Variants in GRM1 observed in about 807,000 individuals in gnomAD.
GRM1 encodes the protein glutamate metabotropic receptor 1.
In GRM1, 33 loss-of-function variants were observed where a neutral mutation model predicts 90.9. The observed-to-expected ratio is 0.36, with a 90% confidence interval of 0.28 to 0.49. The LOEUF is 0.49. Ranked by LOEUF, GRM1 falls within the 20% of genes least tolerant of loss-of-function variation. The probability of loss-of-function intolerance (pLI) is 0.99; values close to 1 mark genes in which losing one functional copy is unlikely to be tolerated. For synonymous variants in GRM1, 700 were observed against 613.2 expected (o/e 1.14, Z -2.09); for missense variants, 1,190 against 1,534.3 (o/e 0.78, Z 3.75).
At chr6:146,252,453 C>T (rs989398554) in intron 2 of GRM1, among the ~76,000 whole-genome samples, 6 of 151,974 alleles carry the variant, frequency 3.9e-5, no homozygotes, top group African/African-American at 1.4e-4. Flanking sequence ...GCCTGGCCAA[C>T]ATGGTGAAAC....
rs1790611629 is a variant in GRM1 at position 146,029,134 on chromosome 6, C to T, written c.-384C>T. ...AAGGCAACTGTTAACATTATAGACC[C>T]CAGAGTTTTAACACAGGTCCTCTGA... On this transcript the variant is annotated 5_prime_UTR_variant, in exon 1 of 8. Transcript: ENST00000282753. 6.0e-6 allele frequency: 2 copies of T among 335,192 alleles called. No homozygotes were observed. Among genetic ancestry groups the T allele is most frequent in the South Asian group, 5.2e-5 (2 of 38,152 alleles). 20.8% of individuals were successfully genotyped at this position (335,192 alleles called of 1,614,324 possible).
intron 3 of GRM1, among the ~76,000 whole-genome samples, chr6:146,320,296 G>A (rs1282829221): frequency 1.3e-5 from 2 of 152,164 alleles, no homozygotes; most frequent in Admixed American, 6.5e-5. Flanking sequence ...AACCAGCCTT[G>A]CATACCAGGG....
intron 1 of GRM1, among the ~76,000 whole-genome samples, chr6:146,142,578 C>A (rs1776921431): frequency 6.6e-6 from 1 of 152,030 alleles, no homozygotes; most frequent in Non-Finnish European, 1.5e-5. Flanking sequence ...GTTCTGTAGT[C>A]TACACCAGCT....
In GRM1 at chr6:146,304,609, A is replaced by C; in HGVS notation, c.951-2A>C. On this transcript the variant is annotated splice_acceptor_variant, in intron 2 of 7. Transcript: ENST00000282753. LOFTEE classifies it high-confidence loss of function. ...CCCTACCCCAATCCCTGCATTTTTT[A>C]GTGATGGATGGGCAGACAGAGATGA... 6.3e-7 allele frequency: 1 copy of C among 1,599,162 alleles called. No homozygotes were observed.
At chr6:146,219,679 ATG>A (rs1007155818) in intron 2 of GRM1, among the ~76,000 whole-genome samples, 1 of 150,928 alleles carries the variant, frequency 6.6e-6, no homozygotes, top group African/African-American at 2.5e-5. Context: ...TTTCAATTTT[ATG>A]TGTGTGCATA....
chr6:146,330,023 T>TA, intron 3 of GRM1, among the ~76,000 whole-genome samples: 1 of 152,264 alleles, frequency 6.6e-6, no homozygotes, highest in South Asian at 2.1e-4. Context: ...CCAGTGTTGA[T>TA]TAAGTAGGCT....
intron 7 of GRM1, among the ~76,000 whole-genome samples, chr6:146,406,435 A>G (rs914078140): frequency 5.3e-5 from 8 of 152,218 alleles, no homozygotes; most frequent in Admixed American, 4.6e-4. Context: ...AGATTTGAGA[A>G]GGGACAAATG....
chr6:146,118,140 C>CTTTTTT (rs67033918), intron 1 of GRM1, among the ~76,000 whole-genome samples: 362 of 115,402 alleles, frequency 3.1e-3, no homozygotes, highest in Middle Eastern at 5.4e-3. Context: ...TTCTTCTTTT[C>CTTTTTT]TTTTTTTTTT....
At chr6:146,034,925 A>C (rs952495538) in intron 1 of GRM1, among the ~76,000 whole-genome samples, 1 of 152,046 alleles carries the variant, frequency 6.6e-6, no homozygotes, top group African/African-American at 2.4e-5. Flanking sequence ...AGTAGTTTTT[A>C]CTTTAAGGGG....
At chr6:146,342,722 C>T (rs370848016) in intron 3 of GRM1, among the ~76,000 whole-genome samples, 1 of 152,202 alleles carries the variant, frequency 6.6e-6, no homozygotes, top group South Asian at 2.1e-4. Context: ...CCTTTAATCA[C>T]ATTATCATTT....
At chr6:146,168,505 A>C (rs1777989953) in intron 2 of GRM1, among the ~76,000 whole-genome samples, 1 of 152,012 alleles carries the variant, frequency 6.6e-6, no homozygotes, top group South Asian at 2.1e-4. Flanking sequence ...AAATGAGAAA[A>C]ATTAGCTTCT....
chr6:146,405,226 G>A (rs1234905048), intron 7 of GRM1, among the ~76,000 whole-genome samples: 1 of 152,248 alleles, frequency 6.6e-6, no homozygotes, highest in African/African-American at 2.4e-5. Flanking sequence ...GAAAGGTCTA[G>A]GCCAGACCTC....
At chr6:146,064,316 G>C (rs1775772798) in intron 1 of GRM1, among the ~76,000 whole-genome samples, 1 of 152,108 alleles carries the variant, frequency 6.6e-6, no homozygotes, top group Non-Finnish European at 1.5e-5. Flanking sequence ...TTGAACAATA[G>C]AACTATTACC....
chr6:146,242,581 C>T (rs1780904197), intron 2 of GRM1, among the ~76,000 whole-genome samples: 1 of 152,112 alleles, frequency 6.6e-6, no homozygotes, highest in Non-Finnish European at 1.5e-5. Flanking sequence ...TTTCAATCAG[C>T]TTCTATAAAG....
chr6:146,029,391 C>T lies in GRM1; in HGVS notation c.-127C>T. 2 of 800,170 alleles carry T rather than the reference C, an allele frequency of 2.5e-6. No homozygotes were observed. The highest frequency in any genetic ancestry group is 2.7e-5 in the South Asian group (2 of 73,132). 49.6% of individuals were successfully genotyped at this position (800,170 alleles called of 1,614,324 possible). A position where few individuals can be genotyped will look rare whatever the true frequency, so the allele number is the denominator to read the frequency against. ...GGAGGAGGCAAAGGCCTTGGACGAC[C>T]ATTGTTGGCGAGGGGCACCACTCCG... On this transcript the variant is annotated 5_prime_UTR_variant, in exon 1 of 8. Coordinates refer to ENST00000282753, the MANE Select transcript of GRM1 (RefSeq NM_001278064.2).
At chr6:146,249,696 C>T (rs1781204074) in intron 2 of GRM1, among the ~76,000 whole-genome samples, 1 of 152,130 alleles carries the variant, frequency 6.6e-6, no homozygotes. Flanking sequence ...ATACAGAGTT[C>T]CCACTGGGGT....
chr6:146,382,251 T>C (rs563598425), intron 5 of GRM1, among the ~76,000 whole-genome samples: 230 of 140,378 alleles, frequency 1.6e-3, no homozygotes, highest in African/African-American at 5.9e-3. Context: ...ATGACAAATA[T>C]AAAAATAATT....
intron 1 of GRM1, among the ~76,000 whole-genome samples, chr6:146,140,625 C>A (rs1486369738): frequency 6.6e-6 from 1 of 152,082 alleles, no homozygotes. Flanking sequence ...TATCTTATAA[C>A]CCATTATTTT....
intron 5 of GRM1, among the ~76,000 whole-genome samples, chr6:146,378,736 T>C (rs2115116088): frequency 6.6e-6 from 1 of 152,286 alleles, no homozygotes; most frequent in Non-Finnish European, 1.5e-5. Flanking sequence ...AATTCTGAAA[T>C]GAGTTAAGAC....
Sources: gnomAD v4.1 joint callset for allele counts (sites outside exome capture counted in the v4.1 genomes callset) on GRCh38, gnomAD v4.1.1 for gene constraint, MANE v1.5 for transcripts, NCBI Gene and HGNC (gene_info 2026-07-23, HGNC 2026-07-21) for gene names.